The following CEMIP2 variants were observed in gnomAD, a reference collection of about 807,000 sequenced individuals.
CEMIP2 encodes the protein cell migration inducing hyaluronidase 2.
CEMIP2 carries 79 observed loss-of-function variants against 146.9 expected under a neutral mutation model. That is an observed-to-expected ratio of 0.54 (90% CI 0.45 to 0.65). The LOEUF is 0.65. Ranked by LOEUF, CEMIP2 falls within the 30% of genes least tolerant of loss-of-function variation. CEMIP2 has a pLI of 0.00. For missense variants in CEMIP2, 1,596 were observed against 1,696.2 expected, an observed-to-expected ratio of 0.94 and a Z score of 1.04; for synonymous variants, 601 against 606.3, an observed-to-expected ratio of 0.99 and a Z score of 0.13.
chr9:71,697,874 G>T, intron 20 of CEMIP2, 111 bp downstream of exon 20: 1 of 1,084,256 alleles, frequency 9.2e-7, no homozygotes, highest in Non-Finnish European at 1.3e-6. Context: ...GAGATGCCAT[G>T]CAATGTCCAT....
In CEMIP2 at chr9:71,725,551, T is replaced by C. The variant is rs747527792; in HGVS notation, c.2178+30A>G. The C allele has an allele frequency of 1.3e-5, 21 of 1,608,426 alleles. No individual in the cohort carries two copies. The East Asian group carries it at 2.2e-4, about 17-fold the overall frequency. ...TTCATCCTTTACACTGTCTAGCATA[T>C]GTACTAATTGTTAAAACTTAGAAAC... On this transcript the variant is annotated intron_variant, in intron 11 of 23. Transcript: ENST00000377044.
intron 12 of CEMIP2, among the ~76,000 whole-genome samples, chr9:71,721,041 C>T (rs936181891): frequency 6.6e-5 from 10 of 151,928 alleles, no homozygotes; most frequent in Non-Finnish European, 1.5e-4. Context: ...CATATATATA[C>T]ACACATATAT....
intron 1 of CEMIP2, among the ~76,000 whole-genome samples, chr9:71,765,213 A>T (rs1246451237): frequency 6.6e-6 from 1 of 152,216 alleles, no homozygotes; most frequent in African/African-American, 2.4e-5. Context: ...TGGGATTCAG[A>T]TCATTCTGGA....
At chr9:71,694,880 T>C (rs530520102) in intron 20 of CEMIP2, among the ~76,000 whole-genome samples, 4 of 152,206 alleles carry the variant, frequency 2.6e-5, no homozygotes, top group Admixed American at 6.5e-5. Context: ...GTGCTTTATA[T>C]TTATATTTAA....
chr9:71,722,373 A>G (rs1823257515), intron 12 of CEMIP2, 54 bp downstream of exon 12: 1 of 1,358,460 alleles, frequency 7.4e-7, no homozygotes, highest in Admixed American at 2.1e-5. Context: ...CCAGTTAGAA[A>G]GTTTTGCTTT....
chr9:71,728,247 ATATG>A (rs1368479257), intron 10 of CEMIP2, among the ~76,000 whole-genome samples: 4 of 47,128 alleles, frequency 8.5e-5, no homozygotes, highest in Admixed American at 2.5e-4. Context: ...ATATATATAT[ATATG>A]TATATACACG....
rs759995785 is a variant in CEMIP2 at position 71,717,917 on chromosome 9, A to G, written c.2399+31T>C. 2.5e-6 allele frequency: 4 copies of G among 1,576,178 alleles called. No homozygotes were observed. In the African/African-American group the frequency reaches 4.1e-5, roughly 16 times the overall value. ...ATCTGAAAAATAATACATCAGTGTCATCATATAATAACTTGGTAGAGAATA... is the reference window on the plus strand; with the variant it reads ...ATCTGAAAAATAATACATCAGTGTCGTCATATAATAACTTGGTAGAGAATA... On this transcript the variant is annotated intron_variant, in intron 13 of 23. Coordinates refer to ENST00000377044, the MANE Select transcript of CEMIP2 (RefSeq NM_013390.3).
intron 10 of CEMIP2, among the ~76,000 whole-genome samples, chr9:71,728,631 AT>A (rs1823520220): frequency 6.6e-6 from 1 of 151,940 alleles, no homozygotes; most frequent in African/African-American, 2.4e-5. Context: ...AATTATTCTC[AT>A]GTGTGTTTTA....
intron 1 of CEMIP2, among the ~76,000 whole-genome samples, chr9:71,751,056 G>A (rs970614324): frequency 6.6e-6 from 1 of 152,164 alleles, no homozygotes; most frequent in Non-Finnish European, 1.5e-5. Flanking sequence ...TGGAATGTAT[G>A]AATCATAAAT....
In CEMIP2 at chr9:71,709,357, C is replaced by T; in HGVS notation, c.2887G>A (p.Ala963Thr). 2 of 1,614,162 alleles carry T rather than the reference C, an allele frequency of 1.2e-6. No homozygotes were observed. The highest frequency in any genetic ancestry group is 2.2e-5 in the East Asian group (1 of 44,880). The change falls in exon 17 of 24, where the codon GCT (alanine) becomes ACT (threonine). Residue 963 changes from alanine (A) to threonine (T), a missense_variant. Physicochemically the swap from Ala to Thr is moderately conservative, Grantham distance 58 (BLOSUM62 0). Coordinates refer to ENST00000377044, the MANE Select transcript of CEMIP2 (RefSeq NM_013390.3). ...IDGSVTGYKDAYVGRMDNYLI... is the reference protein window; with the variant it reads ...IDGSVTGYKDTYVGRMDNYLI... Reference sequence around the variant, plus strand: ...TAGTTGTCCATTCTTCCCACATAAGCATCCTTGTATCCTGTCACAGAGCCA... The same window carrying T: ...TAGTTGTCCATTCTTCCCACATAAGTATCCTTGTATCCTGTCACAGAGCCA...
chr9:71,685,686 A>C lies in CEMIP2; in HGVS notation c.3955+57T>G, dbSNP rs993963998. 18 of 1,430,478 alleles carry C rather than the reference A, an allele frequency of 1.3e-5. No individual in the cohort carries two copies. In the African/African-American group the frequency reaches 1.6e-4, roughly 12 times the overall value. The allele number at this position is 1,430,478 out of a possible 1,614,324, so 88.6% of individuals were successfully genotyped here. On this transcript the variant is annotated intron_variant, in intron 23 of 23. Transcript: ENST00000377044. The stretch of plus-strand genomic sequence containing the variant: ...TGGTCTGGTAGCTGAATTGCACCAT[A>C]AAATTACCTATGTTGCTGGCCCTGT...
chr9:71,719,304 G>A lies in CEMIP2; in HGVS notation c.2268-1225C>T, dbSNP rs199936855. Among the ~76,000 whole-genome samples, 11 of 152,292 alleles carry A rather than the reference G, an allele frequency of 7.2e-5. No individual in the cohort carries two copies. In the East Asian group the frequency reaches 2.1e-3, roughly 29 times the overall value. ...GGCAGCTATCGAGAGAAAATAGCAAGTGCAAATGTCCTTAGGCATGAGTGA... is the reference window on the plus strand; with the variant it reads ...GGCAGCTATCGAGAGAAAATAGCAAATGCAAATGTCCTTAGGCATGAGTGA... On this transcript the variant is annotated intron_variant, in intron 12 of 23. Coordinates refer to ENST00000377044, the MANE Select transcript of CEMIP2 (RefSeq NM_013390.3).
At chr9:71,766,172 G>A (rs907028776) in intron 1 of CEMIP2, among the ~76,000 whole-genome samples, 7 of 151,238 alleles carry the variant, frequency 4.6e-5, no homozygotes, top group Non-Finnish European at 7.4e-5. Context: ...AGGTGCAAGC[G>A]ATTCTCCTTC....
In CEMIP2 at chr9:71,750,352, C is replaced by T. The variant is rs772546212; in HGVS notation, c.22G>A (p.Gly8Arg). MYATDSR[G>R]HSPAFLQPQN... Reference sequence around the variant, plus strand: ...GGTTGGAGGAAAGCAGGGGAGTGTCCCCTGGAATCAGTGGCATACATGATA... The same window carrying T: ...GGTTGGAGGAAAGCAGGGGAGTGTCTCCTGGAATCAGTGGCATACATGATA... Residue 8 changes from glycine (G) to arginine (R), a missense_variant, in exon 2 of 24, where the codon GGA becomes AGA. Gly to Arg is a moderately radical substitution (Grantham distance 125). Transcript: ENST00000377044. 7 of 1,612,044 alleles carry T rather than the reference C, an allele frequency of 4.3e-6. No individual in the cohort carries two copies. The highest frequency in any genetic ancestry group is 5.9e-6 in the Non-Finnish European group (7 of 1,179,138).
At chr9:71,705,680 TATTG>T (rs1378842418) in intron 17 of CEMIP2, among the ~76,000 whole-genome samples, 3 of 144,374 alleles carry the variant, frequency 2.1e-5, no homozygotes, top group Admixed American at 6.9e-5. Flanking sequence ...TTTTTAAGAC[TATTG>T]ATTGTCTTCA....
At chr9:71,765,299 AC>A (rs773206379) in intron 1 of CEMIP2, among the ~76,000 whole-genome samples, 1 of 152,182 alleles carries the variant, frequency 6.6e-6, no homozygotes, top group Admixed American at 6.5e-5. Flanking sequence ...GCTTTAAAAA[AC>A]TTTTGAAAGT....
Position 71,757,263 on chromosome 9 carries a change from C to T in CEMIP2, c.-12-6878G>A, listed in dbSNP as rs543357670. 9.8e-5 allele frequency among the ~76,000 whole-genome samples: 15 copies of T among 152,312 alleles called. No individual in the cohort carries two copies. In the South Asian group the frequency reaches 2.3e-3, roughly 23 times the overall value. ...GATTCATTTAAGCTCTCTCAAATCA[C>T]GCCTAGGCTTTTTAAGAAAACTAAT... On this transcript the variant is annotated intron_variant, in intron 1 of 23. Transcript: ENST00000377044.
chr9:71,755,961 C>CAAAAAAAAAA (rs55972127), intron 1 of CEMIP2, among the ~76,000 whole-genome samples: 1 of 52,890 alleles, frequency 1.9e-5, no homozygotes, highest in South Asian at 5.9e-4. Flanking sequence ...CTCTGTCTCA[C>CAAAAAAAAAA]AAAAAAAAAA....
At chr9:71,732,686 ATTTTTTTTTTTTTTTTTTT>A (rs59985618) in intron 6 of CEMIP2, among the ~76,000 whole-genome samples, 166 bp from the exon 7 acceptor site, 8 of 75,816 alleles carry the variant, frequency 1.1e-4, no homozygotes, top group South Asian at 1.2e-3. Context: ...GACACGGGGA[ATTTTTTTTTTTTTTTTTTT>A]TTTTTTTTTT....
Sources: allele counts gnomAD v4.1 joint callset (sites outside exome capture counted in the v4.1 genomes callset), GRCh38; gene constraint gnomAD v4.1.1; transcripts MANE v1.5; gene names NCBI Gene and HGNC (gene_info 2026-07-23, HGNC 2026-07-21).